The following POT1 variants were observed in gnomAD, a reference collection of about 807,000 sequenced individuals.
The protein encoded by POT1 is protection of telomeres protein 1.
Under a neutral mutation model 78.5 loss-of-function variants are expected in POT1, and 47 were observed. That is an observed-to-expected ratio of 0.60 (90% confidence interval 0.47 to 0.76). The LOEUF is 0.76. Ranked by LOEUF, POT1 falls within the 30% of genes least tolerant of loss-of-function variation. The probability of loss-of-function intolerance (pLI) is 0.00; values close to 1 mark genes in which losing one functional copy is unlikely to be tolerated. For missense variants in POT1, 646 were observed against 749.9 expected (o/e 0.86, Z 1.62); for synonymous variants, 259 against 260.7 (o/e 0.99, Z 0.06).
At chr7:124,877,861 A>T (rs1796028359) in intron 6 of POT1, among the ~76,000 whole-genome samples, 1 of 126,616 alleles carries the variant, frequency 7.9e-6, no homozygotes, top group South Asian at 2.6e-4. Context: ...AAAAAAAAAA[A>T]AAAAAAAAGA....
chr7:124,919,799 C>A (rs1389457842), intron 2 of POT1, among the ~76,000 whole-genome samples: 1 of 152,080 alleles, frequency 6.6e-6, no homozygotes, highest in Admixed American at 6.6e-5. Flanking sequence ...GCTGACCTGA[C>A]AAACTAATAT....
intron 2 of POT1, among the ~76,000 whole-genome samples, chr7:124,917,458 C>A (rs570920651): frequency 1.1e-4 from 17 of 152,056 alleles, no homozygotes; most frequent in Non-Finnish European, 2.1e-4. Flanking sequence ...AACTCTAAAC[C>A]CGACTAGATT....
At position 124,892,435 on chromosome 7, in the gene POT1, T is replaced by C. The variant is rs748474938; in HGVS notation, c.10-55A>G. ...TATACAAAGTATTTACATTGTAGAA[T>C]CATGTTATAATCATATTAGCAGCAA... On this transcript the variant is annotated intron_variant, in intron 5 of 18. Transcript: ENST00000357628. 5.7e-6 allele frequency: 5 copies of C among 875,544 alleles called. No homozygotes were observed. The Admixed American group carries it at 9.3e-5, about 16-fold the overall frequency. The allele number at this position is 875,544 out of a possible 1,614,324, so 54.2% of individuals were successfully genotyped here.
chr7:124,923,830 T>C (rs556774237), intron 2 of POT1, among the ~76,000 whole-genome samples: 1 of 150,948 alleles, frequency 6.6e-6, no homozygotes, highest in Non-Finnish European at 1.5e-5. Context: ...TAAAACTAAC[T>C]GGACTTTTCA....
At chr7:124,929,120 G>A (rs1288774849) in intron 1 of POT1, 121 bp from the exon 2 acceptor site, 4 of 152,222 alleles carry the variant, frequency 2.6e-5, no homozygotes, top group African/African-American at 4.8e-5. Flanking sequence ...GGGGTGACAG[G>A]AGGATGGATT....
At chr7:124,908,690 T>C (rs761593043) in intron 3 of POT1, among the ~76,000 whole-genome samples, 13 of 151,980 alleles carry the variant, frequency 8.6e-5, no homozygotes, top group Non-Finnish European at 1.8e-4. Context: ...CTATGCTCTA[T>C]GAGGGCAAGG....
At chr7:124,908,569 G>A (rs1796819930) in intron 3 of POT1, among the ~76,000 whole-genome samples, 1 of 151,782 alleles carries the variant, frequency 6.6e-6, no homozygotes, top group African/African-American at 2.4e-5. Context: ...AAGTATCCCT[G>A]TGATCATTTT....
chr7:124,882,030 ATTAAG>A (rs1256234770), intron 6 of POT1, among the ~76,000 whole-genome samples: 6 of 152,116 alleles, frequency 3.9e-5, no homozygotes, highest in African/African-American at 1.4e-4. Context: ...CAAATGATAA[ATTAAG>A]TTTTCTATTT....
chr7:124,915,834 A>G (rs1797002631), intron 2 of POT1, among the ~76,000 whole-genome samples, 188 bp from the exon 3 acceptor site: 1 of 152,162 alleles, frequency 6.6e-6, no homozygotes, highest in African/African-American at 2.4e-5. Flanking sequence ...AATCAGATCT[A>G]CAAATACTTC....
chr7:124,886,828 TAAC>T (rs1464553350), intron 6 of POT1, among the ~76,000 whole-genome samples: 2 of 152,150 alleles, frequency 1.3e-5, no homozygotes, highest in Admixed American at 6.6e-5. Flanking sequence ...ATTTTTCTAA[TAAC>T]AACTGAAAAT....
intron 6 of POT1, among the ~76,000 whole-genome samples, chr7:124,889,362 T>C (rs755591415): frequency 6.6e-6 from 1 of 152,080 alleles, no homozygotes; most frequent in Non-Finnish European, 1.5e-5. Context: ...TCACATTGGT[T>C]CATGGCATTT....
chr7:124,867,923 G>A (rs1430496063), intron 7 of POT1, among the ~76,000 whole-genome samples: 2 of 152,108 alleles, frequency 1.3e-5, no homozygotes, highest in African/African-American at 4.8e-5. Context: ...TGGGATTATA[G>A]GCGTGAGCCA....
At chr7:124,863,947 T>C (rs1431448490) in intron 7 of POT1, among the ~76,000 whole-genome samples, 1 of 152,124 alleles carries the variant, frequency 6.6e-6, no homozygotes, top group Non-Finnish European at 1.5e-5. Flanking sequence ...TATTAGTTTT[T>C]TTATTAAGGT....
intron 11 of POT1, among the ~76,000 whole-genome samples, chr7:124,850,105 C>T (rs1164954366): frequency 6.6e-6 from 1 of 152,114 alleles, no homozygotes; most frequent in African/African-American, 2.4e-5. Context: ...AGTATAATTA[C>T]AAATTATACT....
At position 124,827,210 on chromosome 7, in the gene POT1, T is replaced by C. The variant is rs907669138; in HGVS notation, c.1686+4A>G. 1 of 1,463,422 alleles carries C rather than the reference T, an allele frequency of 6.8e-7. No homozygotes were observed. Among genetic ancestry groups the C allele is most frequent in the Non-Finnish European group, 9.3e-7 (1 of 1,075,662 alleles). The allele number at this position is 1,463,422 out of a possible 1,614,324, so 90.7% of individuals were successfully genotyped here. A position where few individuals can be genotyped will look rare whatever the true frequency, so the allele number is the denominator to read the frequency against. On this transcript the variant is annotated splice_donor_region_variant and intron_variant, in intron 17 of 18. Coordinates refer to ENST00000357628, the MANE Select transcript of POT1 (RefSeq NM_015450.3). ...AAAATATCTTTATTACCTCTGATAC[T>C]TACAGAATCCATGAGATAGGCTTCT...
Position 124,863,386 on chromosome 7 carries a change from GC to G in POT1, c.509del (p.Gly170AlafsTer12). On this transcript the variant is annotated frameshift_variant, in exon 8 of 19. Coordinates refer to ENST00000357628, the MANE Select transcript of POT1 (RefSeq NM_015450.3). LOFTEE classifies it high-confidence loss of function. The part of the protein sequence containing the change: ...QYFDLTCQLL[G>X]KAEVDGASFL... The stretch of plus-strand genomic sequence containing the variant: ...ATGATGCTCCGTCCACTTCTGCTTT[GC>G]CCAAGAGCTGACAAGTCAGGTCAAA... 1 of 1,613,748 alleles carries G rather than the reference GC, an allele frequency of 6.2e-7. No individual in the cohort carries two copies. The highest frequency in any genetic ancestry group is 8.5e-7 in the Non-Finnish European group (1 of 1,179,812).
chr7:124,890,260 A>G (rs6960504), intron 6 of POT1, among the ~76,000 whole-genome samples: 99,095 of 151,746 alleles, frequency 0.65, 33,296 homozygotes, highest in African/African-American at 0.82. Context: ...GGAGCCTGAA[A>G]TTGTGACTGA....
At chr7:124,881,691 A>C (rs1011956231) in intron 6 of POT1, among the ~76,000 whole-genome samples, 13 of 151,928 alleles carry the variant, frequency 8.6e-5, no homozygotes, top group Non-Finnish European at 1.9e-4. Context: ...TTCAGTAATG[A>C]CTTCACAAAT....
At chr7:124,928,674 T>C (rs1584537761) in intron 2 of POT1, 141 bp downstream of exon 2, 1 of 152,562 alleles carries the variant, frequency 6.6e-6, no homozygotes, top group East Asian at 1.9e-4. Context: ...TGAATAAGAA[T>C]AACTTATTGA....
Sources: allele counts gnomAD v4.1 joint callset (sites outside exome capture counted in the v4.1 genomes callset), GRCh38; gene constraint gnomAD v4.1.1; transcripts MANE v1.5; gene names NCBI Gene and HGNC (gene_info 2026-07-23, HGNC 2026-07-21).